FOXP1: variants seen among roughly 807,000 people sequenced by gnomAD.
FOXP1 encodes forkhead box P1, also known as forkhead box protein P1.
In FOXP1, 15 loss-of-function variants were observed where a neutral mutation model predicts 98.2. That is an observed-to-expected ratio of 0.15 (90% CI 0.10 to 0.24). FOXP1 has a LOEUF of 0.24. Ranked by LOEUF, FOXP1 falls within the 10% of genes least tolerant of loss-of-function variation. The pLI, the probability that FOXP1 is intolerant of heterozygous loss-of-function variation, is 1.00. For missense variants in FOXP1, 633 were observed against 848.5 expected (o/e 0.75, Z 3.15); for synonymous variants, 371 against 314.5 (o/e 1.18, Z -1.90).
chr3:71,315,311 C>T (rs1169817425), intron 4 of FOXP1, among the ~76,000 whole-genome samples: 2 of 152,076 alleles, frequency 1.3e-5, no homozygotes, highest in East Asian at 3.9e-4. Flanking sequence ...ATTAATACTC[C>T]TATTAATAAT....
intron 11 of FOXP1, among the ~76,000 whole-genome samples, chr3:71,034,015 G>T (rs1214508287): frequency 6.6e-6 from 1 of 152,096 alleles, no homozygotes. Context: ...TTAGGCCTCT[G>T]CAGTTAGCCA....
intron 5 of FOXP1, among the ~76,000 whole-genome samples, chr3:71,226,717 A>G (rs2065868695): frequency 6.7e-6 from 1 of 150,136 alleles, no homozygotes; most frequent in Non-Finnish European, 1.5e-5. Flanking sequence ...TCTGCTTGTC[A>G]TTTTCCTCTC....
At chr3:71,429,018 T>C (rs1378323961) in intron 3 of FOXP1, among the ~76,000 whole-genome samples, 1 of 152,176 alleles carries the variant, frequency 6.6e-6, no homozygotes, top group Non-Finnish European at 1.5e-5. Flanking sequence ...CAGACAGTAG[T>C]CGGCTGACAT....
intron 7 of FOXP1, among the ~76,000 whole-genome samples, chr3:71,101,496 T>C (rs2056955238): frequency 6.6e-6 from 1 of 152,018 alleles, no homozygotes; most frequent in African/African-American, 2.4e-5. Flanking sequence ...TTGAAGAAGT[T>C]TAAATGATGG....
chr3:71,476,098 A>G (rs1248814826), intron 3 of FOXP1, among the ~76,000 whole-genome samples: 1 of 152,212 alleles, frequency 6.6e-6, no homozygotes. Context: ...AAACATCACT[A>G]GTGTGTTAAG....
intron 4 of FOXP1, among the ~76,000 whole-genome samples, chr3:71,339,001 T>A (rs2076852305): frequency 1.3e-5 from 2 of 152,124 alleles, no homozygotes; most frequent in Non-Finnish European, 2.9e-5. Context: ...ACTAACAGGG[T>A]CTAATTTCTC....
intron 2 of FOXP1, among the ~76,000 whole-genome samples, chr3:71,523,305 A>C (rs2043127360): frequency 6.6e-6 from 1 of 152,214 alleles, no homozygotes; most frequent in Non-Finnish European, 1.5e-5. Flanking sequence ...TAGAAGCAAA[A>C]GATGACAAAT....
At chr3:70,964,105 T>G (rs1237103592) in intron 20 of FOXP1, among the ~76,000 whole-genome samples, 1 of 152,226 alleles carries the variant, frequency 6.6e-6, no homozygotes, top group Non-Finnish European at 1.5e-5. Context: ...ATTACACAGA[T>G]AGCAGGCGCA....
At chr3:71,294,436 T>C (rs895891163) in intron 5 of FOXP1, among the ~76,000 whole-genome samples, 2 of 152,122 alleles carry the variant, frequency 1.3e-5, no homozygotes, top group East Asian at 1.9e-4. Flanking sequence ...CAACCAACAA[T>C]TGCCCTTCCT....
chr3:71,064,770 G>A (rs929765315), intron 7 of FOXP1: 3 of 984,150 alleles, frequency 3.0e-6, no homozygotes, highest in Admixed American at 6.1e-5. Context: ...AGCGGGCGCC[G>A]CGGAGCCGGG....
intron 6 of FOXP1, 71 bp from the exon 7 acceptor site, chr3:71,112,708 C>T (rs1003965153): frequency 2.8e-5 from 32 of 1,148,864 alleles, no homozygotes; most frequent in Non-Finnish European, 4.2e-5. Context: ...AAAAAGGATT[C>T]CAGGAAGTGC....
intron 6 of FOXP1, among the ~76,000 whole-genome samples, chr3:71,151,454 C>T (rs1247919940): frequency 6.6e-6 from 1 of 152,126 alleles, no homozygotes; most frequent in East Asian, 1.9e-4. Flanking sequence ...GCTCATCTGC[C>T]TGCCTGCCCA....
chr3:71,249,487 A>G (rs1474323544), intron 5 of FOXP1, among the ~76,000 whole-genome samples: 1 of 152,218 alleles, frequency 6.6e-6, no homozygotes, highest in Non-Finnish European at 1.5e-5. Context: ...CATTTTGAAA[A>G]TGAGGAGACT....
intron 2 of FOXP1, among the ~76,000 whole-genome samples, chr3:71,511,203 G>C (rs2042179244): frequency 6.6e-6 from 1 of 152,124 alleles, no homozygotes; most frequent in Admixed American, 6.5e-5. Context: ...TTAAAGGCTG[G>C]TGGTTTATGT....
chr3:71,135,092 C>T (rs1340160247), intron 6 of FOXP1, among the ~76,000 whole-genome samples: 1 of 151,928 alleles, frequency 6.6e-6, no homozygotes, highest in Non-Finnish European at 1.5e-5. Flanking sequence ...AACCCCATCT[C>T]TACCAAAAAT....
chr3:71,311,802 G>T (rs2074703306), intron 4 of FOXP1, among the ~76,000 whole-genome samples: 2 of 152,122 alleles, frequency 1.3e-5, no homozygotes, highest in Non-Finnish European at 2.9e-5. Flanking sequence ...CTTACCTTTT[G>T]GCCACCACCA....
chr3:70,965,879 A>G lies in FOXP1; in HGVS notation c.1889+11T>C, dbSNP rs774095805. Reference sequence around the variant, plus strand: ...CAGATAGCAAAGACCTGTTGGGTGGACAATACTCACACGGCTTGCATAGGA... The same window carrying G: ...CAGATAGCAAAGACCTGTTGGGTGGGCAATACTCACACGGCTTGCATAGGA... On this transcript the variant is annotated intron_variant, in intron 20 of 20. Coordinates refer to ENST00000649528, the MANE Select transcript of FOXP1 (RefSeq NM_001349338.3). The G allele has an allele frequency of 6.2e-7, 1 of 1,613,460 alleles. No individual in the cohort carries two copies. The highest frequency in any genetic ancestry group is 8.5e-7 in the Non-Finnish European group (1 of 1,179,936).
At chr3:71,545,551 T>C (rs1445806324) in intron 2 of FOXP1, among the ~76,000 whole-genome samples, 1 of 152,212 alleles carries the variant, frequency 6.6e-6, no homozygotes, top group African/African-American at 2.4e-5. Flanking sequence ...TGAACTGCCT[T>C]ATGCAAATAT....
chr3:71,522,236 C>A (rs2043048130), intron 2 of FOXP1, among the ~76,000 whole-genome samples: 1 of 152,116 alleles, frequency 6.6e-6, no homozygotes, highest in African/African-American at 2.4e-5. Context: ...TCTGTCCACG[C>A]TGGGACATCC....
Sources: gnomAD v4.1 joint callset for allele counts (sites outside exome capture counted in the v4.1 genomes callset) on GRCh38, gnomAD v4.1.1 for gene constraint, MANE v1.5 for transcripts, NCBI Gene and HGNC (gene_info 2026-07-23, HGNC 2026-07-21) for gene names.